The following KCNMA1 variants were observed in gnomAD, a reference collection of about 807,000 sequenced individuals.
KCNMA1 encodes Calcium-activated potassium channel subunit alpha-1.
A neutral mutation model predicts 140.0 loss-of-function variants in KCNMA1; 29 were observed. The observed-to-expected ratio is 0.21, with a 90% CI of 0.15 to 0.28. The LOEUF (loss-of-function observed/expected upper bound fraction) is 0.28, where lower values mean the gene tolerates loss of function less well. Ranked by LOEUF, KCNMA1 falls within the 10% of genes least tolerant of loss-of-function variation. The pLI is 1.00. For missense variants in KCNMA1, 880 were observed against 1,602.2 expected (o/e 0.55, Z 7.70); for synonymous variants, 612 against 611.9 (o/e 1.00, Z 0.00).
chr10:77,161,770 A>G (rs1250847976), intron 5 of KCNMA1, among the ~76,000 whole-genome samples: 3 of 152,042 alleles, frequency 2.0e-5, no homozygotes, highest in African/African-American at 7.2e-5. Flanking sequence ...TCTCATGTTT[A>G]CTCTTCTGTA....
At chr10:77,241,214 A>G (rs2057179358) in intron 3 of KCNMA1, among the ~76,000 whole-genome samples, 2 of 152,258 alleles carry the variant, frequency 1.3e-5, no homozygotes, top group South Asian at 2.1e-4. Context: ...GAAAGGGAGA[A>G]ATAAAGTCAA....
At chr10:77,530,585 T>A (rs1480258862) in intron 1 of KCNMA1, among the ~76,000 whole-genome samples, 1 of 152,184 alleles carries the variant, frequency 6.6e-6, no homozygotes, top group Non-Finnish European at 1.5e-5. Flanking sequence ...TGCACAAAGC[T>A]AAGTCACCAT....
At chr10:77,110,386 T>C (rs767688639) in intron 7 of KCNMA1, 43 bp from the exon 8 acceptor site, 5 of 1,539,446 alleles carry the variant, frequency 3.2e-6, no homozygotes, top group East Asian at 2.2e-5. Flanking sequence ...AAACATGCTA[T>C]TGAAGTGTAT....
At chr10:77,305,417 G>GA (rs1208884773) in intron 2 of KCNMA1, among the ~76,000 whole-genome samples, 5 of 152,154 alleles carry the variant, frequency 3.3e-5, no homozygotes, top group Non-Finnish European at 5.9e-5. Flanking sequence ...AACGAAGGTT[G>GA]AAAAAAGTAA....
In KCNMA1 at chr10:77,637,303, G is replaced by T. The variant is rs780623276; in HGVS notation, c.340C>A (p.Leu114Met). The change falls in exon 1 of 28, where the codon CTG becomes ATG. Residue 114 changes from leucine to methionine, a missense_variant. Leu to Met is a conservative substitution (Grantham distance 15). Transcript: ENST00000286628. The stretch of plus-strand genomic sequence containing the variant: ...CCGCAGTGGCAGCACACGGTCCACA[G>T]GTACTTGAGCGTCCGCCAGAGCAAG... The part of the protein sequence containing the change: ...IILLWRTLKY[L>M]WTVCCHCGGK... The T allele has an allele frequency of 3.7e-5, 60 of 1,613,164 alleles. No homozygotes were observed. The highest frequency in any genetic ancestry group is 5.0e-5 in the Non-Finnish European group (59 of 1,179,770).
chr10:77,045,191 A>C (rs1313158808), intron 14 of KCNMA1, among the ~76,000 whole-genome samples: 1 of 152,238 alleles, frequency 6.6e-6, no homozygotes, highest in East Asian at 1.9e-4. Flanking sequence ...TTTTAACTGT[A>C]ATGTGAAGAC....
At chr10:77,258,361 T>C (rs1484011786) in intron 2 of KCNMA1, among the ~76,000 whole-genome samples, 1 of 152,160 alleles carries the variant, frequency 6.6e-6, no homozygotes, top group Non-Finnish European at 1.5e-5. Flanking sequence ...CAATTGCTCA[T>C]GCAGAATGTC....
intron 1 of KCNMA1, among the ~76,000 whole-genome samples, chr10:77,467,236 A>G (rs2098043365): frequency 6.6e-6 from 1 of 152,216 alleles, no homozygotes; most frequent in Non-Finnish European, 1.5e-5. Context: ...TGACTGTGTC[A>G]GTTTTCATCT....
chr10:77,268,277 G>A (rs775440660), intron 2 of KCNMA1, among the ~76,000 whole-genome samples: 1 of 152,070 alleles, frequency 6.6e-6, no homozygotes. Flanking sequence ...GCAGGCGAAC[G>A]ACAATGTCTA....
At chr10:77,331,046 G>C (rs1379132752) in intron 2 of KCNMA1, among the ~76,000 whole-genome samples, 1 of 152,072 alleles carries the variant, frequency 6.6e-6, no homozygotes, top group African/African-American at 2.4e-5. Context: ...TCTAAACTAA[G>C]GAGGCCATAA....
At chr10:77,339,793 T>C (rs948360086) in intron 2 of KCNMA1, among the ~76,000 whole-genome samples, 2 of 152,268 alleles carry the variant, frequency 1.3e-5, no homozygotes, top group African/African-American at 2.4e-5. Flanking sequence ...CCACATATTC[T>C]GCAGGGGAAG....
intron 1 of KCNMA1, among the ~76,000 whole-genome samples, chr10:77,593,613 C>T (rs1396980998): frequency 1.3e-5 from 2 of 152,122 alleles, no homozygotes; most frequent in Non-Finnish European, 2.9e-5. Flanking sequence ...TTGTGTGATC[C>T]TCATAAGAAC....
chr10:77,413,433 G>A (rs150089437), intron 1 of KCNMA1, among the ~76,000 whole-genome samples: 2,241 of 152,150 alleles, frequency 0.015, 31 homozygotes, highest in Middle Eastern at 0.037. Flanking sequence ...TCCCAGCCAC[G>A]GGCATTCTCC....
intron 1 of KCNMA1, among the ~76,000 whole-genome samples, chr10:77,550,073 C>A (rs1213224838): frequency 6.6e-6 from 1 of 152,186 alleles, no homozygotes; most frequent in Non-Finnish European, 1.5e-5. Flanking sequence ...CACGCACCCC[C>A]AGCCCAGCCA....
At chr10:77,623,549 A>C (rs2154570009) in intron 1 of KCNMA1, among the ~76,000 whole-genome samples, 1 of 152,122 alleles carries the variant, frequency 6.6e-6, no homozygotes, top group South Asian at 2.1e-4. Context: ...TACAAAAAAA[A>C]AAAATTAGCT....
At chr10:77,322,767 C>T (rs1183568182) in intron 2 of KCNMA1, among the ~76,000 whole-genome samples, 2 of 151,896 alleles carry the variant, frequency 1.3e-5, no homozygotes, top group Admixed American at 6.6e-5. Flanking sequence ...GAAGGAGGAC[C>T]GACTGTTAAA....
At chr10:77,036,008 T>A (rs754812413) in intron 15 of KCNMA1, among the ~76,000 whole-genome samples, 9 of 152,180 alleles carry the variant, frequency 5.9e-5, no homozygotes, top group Non-Finnish European at 1.3e-4. Context: ...GAGAAGTAGA[T>A]CCACCCTCAC....
chr10:77,123,784 T>G (rs2616640), intron 5 of KCNMA1, among the ~76,000 whole-genome samples: 77,950 of 151,950 alleles, frequency 0.51, 20,688 homozygotes, highest in East Asian at 0.9. Context: ...TATGACAATA[T>G]GTACCAGCAT....
intron 1 of KCNMA1, among the ~76,000 whole-genome samples, chr10:77,457,447 C>T (rs999483365): frequency 6.6e-6 from 1 of 152,064 alleles, no homozygotes; most frequent in Non-Finnish European, 1.5e-5. Flanking sequence ...GTGATCCTGC[C>T]CAGCCCAGCA....
Sources: allele counts gnomAD v4.1 joint callset (sites outside exome capture counted in the v4.1 genomes callset), GRCh38; gene constraint gnomAD v4.1.1; transcripts MANE v1.5; gene names NCBI Gene and HGNC (gene_info 2026-07-23, HGNC 2026-07-21).